The following ST6GALNAC3 variants were observed in gnomAD, a reference collection of about 807,000 sequenced individuals.
The protein encoded by ST6GALNAC3 is ST6 N-acetylgalactosaminide alpha-2,6-sialyltransferase 3.
In ST6GALNAC3, 25 loss-of-function variants were observed where a neutral mutation model predicts 32.7. The ratio of observed to expected loss-of-function variants is 0.76; its 90% CI spans 0.56 to 1.07. The LOEUF (loss-of-function observed/expected upper bound fraction) is 1.07. Ranked by LOEUF, ST6GALNAC3 falls within the 50% of genes least tolerant of loss-of-function variation. The pLI, the probability that ST6GALNAC3 is intolerant of heterozygous loss-of-function variation, is 0.00. For missense variants in ST6GALNAC3, 355 were observed against 382.4 expected (o/e 0.93, Z 0.60); for synonymous variants, 129 against 133.1 (o/e 0.97, Z 0.21).
At chr1:76,613,230 A>G (rs1236043984) in intron 3 of ST6GALNAC3, among the ~76,000 whole-genome samples, 1 of 152,204 alleles carries the variant, frequency 6.6e-6, no homozygotes, top group Non-Finnish European at 1.5e-5. Flanking sequence ...GATTTCAGGG[A>G]TTAAACAGTA....
chr1:76,195,226 A>G (rs914079463), intron 1 of ST6GALNAC3, among the ~76,000 whole-genome samples: 2 of 152,224 alleles, frequency 1.3e-5, no homozygotes, highest in African/African-American at 4.8e-5. Flanking sequence ...AGAAGAAAAC[A>G]TCTGCCAACT....
At chr1:76,456,049 GTAGTCCCAGC>G (rs1657760081) in intron 3 of ST6GALNAC3, among the ~76,000 whole-genome samples, 1 of 152,110 alleles carries the variant, frequency 6.6e-6, no homozygotes, top group African/African-American at 2.4e-5. Context: ...TTCTGCACCT[GTAGTCCCAGC>G]TACTCCAGAG....
At chr1:76,519,138 G>A (rs1662356350) in intron 3 of ST6GALNAC3, among the ~76,000 whole-genome samples, 1 of 152,024 alleles carries the variant, frequency 6.6e-6, no homozygotes, top group African/African-American at 2.4e-5. Flanking sequence ...GTCTTTCCTT[G>A]TATCTCACAG....
At chr1:76,356,425 C>T (rs1020765136) in intron 2 of ST6GALNAC3, among the ~76,000 whole-genome samples, 2 of 85,552 alleles carry the variant, frequency 2.3e-5, no homozygotes, top group Non-Finnish European at 4.2e-5. Context: ...TAGCAATGAA[C>T]AGTAGGGTTA....
At position 76,594,875 on chromosome 1, in the gene ST6GALNAC3, G is replaced by T. The variant is rs1647108524; in HGVS notation, c.624-32577G>T. Among the ~76,000 whole-genome samples, 3 of 152,240 alleles carry T rather than the reference G, an allele frequency of 2.0e-5. No homozygotes were observed. The South Asian group carries it at 6.2e-4, about 32-fold the overall frequency. On this transcript the variant is annotated intron_variant, in intron 3 of 4. Transcript: ENST00000328299. ...CTACAGCCTTTCCAAGGAGGTAATT[G>T]ATCATAGTATAGATAGTGTTGCACT...
At chr1:76,107,143 C>T (rs1028084257) in intron 1 of ST6GALNAC3, among the ~76,000 whole-genome samples, 7 of 152,176 alleles carry the variant, frequency 4.6e-5, no homozygotes, top group Admixed American at 2.0e-4. Flanking sequence ...AGCTGTACTG[C>T]AAACATTTCT....
intron 1 of ST6GALNAC3, among the ~76,000 whole-genome samples, chr1:76,284,050 G>A (rs576379393): frequency 2.0e-5 from 3 of 148,840 alleles, no homozygotes; most frequent in South Asian, 2.1e-4. Context: ...AAATGCCGGA[G>A]AACTGAGTTA....
chr1:76,211,417 C>G (rs1208657471), intron 1 of ST6GALNAC3, among the ~76,000 whole-genome samples: 1 of 152,120 alleles, frequency 6.6e-6, no homozygotes, highest in Non-Finnish European at 1.5e-5. Flanking sequence ...ACCATTTGAC[C>G]CAGCCATCCC....
At chr1:76,556,349 A>G (rs1195863277) in intron 3 of ST6GALNAC3, among the ~76,000 whole-genome samples, 2 of 152,088 alleles carry the variant, frequency 1.3e-5, no homozygotes, top group African/African-American at 4.8e-5. Flanking sequence ...TTCATGTACA[A>G]GTTTTGGTGT....
At chr1:76,331,223 T>C (rs766791294) in intron 2 of ST6GALNAC3, among the ~76,000 whole-genome samples, 1 of 152,176 alleles carries the variant, frequency 6.6e-6, no homozygotes, top group Non-Finnish European at 1.5e-5. Flanking sequence ...TAGTTTGATG[T>C]CTTAAGAAAG....
At chr1:76,103,691 C>T (rs368618119) in intron 1 of ST6GALNAC3, among the ~76,000 whole-genome samples, 1 of 152,128 alleles carries the variant, frequency 6.6e-6, no homozygotes, top group Non-Finnish European at 1.5e-5. Context: ...GGGAAGAATC[C>T]ACCCCTTGCC....
intron 3 of ST6GALNAC3, among the ~76,000 whole-genome samples, chr1:76,415,718 A>T (rs945718940): frequency 1.3e-5 from 2 of 151,976 alleles, no homozygotes; most frequent in Non-Finnish European, 1.5e-5. Context: ...GGATTCAGAC[A>T]TTTCTGCAAA....
intron 3 of ST6GALNAC3, among the ~76,000 whole-genome samples, chr1:76,478,562 G>A (rs370610279): frequency 2.0e-5 from 3 of 152,074 alleles, no homozygotes; most frequent in Middle Eastern, 6.8e-3. Context: ...TTGTCATAGA[G>A]GCCCAGTATT....
intron 1 of ST6GALNAC3, among the ~76,000 whole-genome samples, chr1:76,079,266 C>T (rs936482994): frequency 4.6e-5 from 7 of 152,112 alleles, no homozygotes; most frequent in Non-Finnish European, 1.0e-4. Flanking sequence ...TTTATTTGAT[C>T]ATTAGTGAAG....
chr1:76,587,909 A>G (rs951735149), intron 3 of ST6GALNAC3, among the ~76,000 whole-genome samples: 1 of 152,146 alleles, frequency 6.6e-6, no homozygotes, highest in Non-Finnish European at 1.5e-5. Flanking sequence ...ATAAACATCC[A>G]TCGGTTAGGA....
intron 1 of ST6GALNAC3, among the ~76,000 whole-genome samples, chr1:76,117,541 T>C (rs900188385): frequency 2.6e-5 from 4 of 152,248 alleles, no homozygotes; most frequent in Admixed American, 2.0e-4. Flanking sequence ...AATGTAACCA[T>C]GACCAACTGC....
chr1:76,578,168 G>A (rs1013692766), intron 3 of ST6GALNAC3, among the ~76,000 whole-genome samples: 3 of 152,054 alleles, frequency 2.0e-5, no homozygotes, highest in African/African-American at 7.2e-5. Flanking sequence ...TTGGCTTGCA[G>A]ATGCTAATGG....
At chr1:76,368,612 CT>C (rs1222250717) in intron 2 of ST6GALNAC3, among the ~76,000 whole-genome samples, 7 of 152,034 alleles carry the variant, frequency 4.6e-5, no homozygotes, top group Non-Finnish European at 1.0e-4. Context: ...TCCCTGGCAC[CT>C]AACACACAAT....
At chr1:76,496,299 C>T (rs1473205523) in intron 3 of ST6GALNAC3, among the ~76,000 whole-genome samples, 1 of 152,162 alleles carries the variant, frequency 6.6e-6, no homozygotes, top group Non-Finnish European at 1.5e-5. Flanking sequence ...GCCAGTGATT[C>T]AGCTGGAGAA....
Sources: allele counts gnomAD v4.1 joint callset (sites outside exome capture counted in the v4.1 genomes callset), GRCh38; gene constraint gnomAD v4.1.1; transcripts MANE v1.5; gene names NCBI Gene and HGNC (gene_info 2026-07-23, HGNC 2026-07-21).